The following ZNF418 variants were observed in gnomAD, a reference collection of about 807,000 sequenced individuals.
ZNF418 encodes zinc finger protein 418.
A neutral mutation model predicts 32.0 loss-of-function variants in ZNF418; 32 were observed. The ratio of observed to expected loss-of-function variants is 1.00; its 90% CI spans 0.75 to 1.34. ZNF418 has a LOEUF of 1.34. ZNF418 is among the 40% of genes most tolerant of loss of function. The pLI, the probability that ZNF418 is intolerant of heterozygous loss-of-function variation, is 0.00. For missense variants in ZNF418, 804 were observed against 812.5 expected, an observed-to-expected ratio of 0.99 and a Z score of 0.13; for synonymous variants, 276 against 270.7, an observed-to-expected ratio of 1.02 and a Z score of -0.19.
chr19:57,930,591 C>T, intron 2 of ZNF418, 37 bp from the exon 3 acceptor site: 1 of 1,612,932 alleles, frequency 6.2e-7, no homozygotes, highest in Non-Finnish European at 8.5e-7. Context: ...ACAAACAGCT[C>T]CTATGCTGAG....
chr19:57,931,795 C>CA (rs1434978599), intron 2 of ZNF418, among the ~76,000 whole-genome samples: 21 of 152,218 alleles, frequency 1.4e-4, no homozygotes, highest in African/African-American at 5.1e-4. Flanking sequence ...AGGCTGATCT[C>CA]AAACTCCTGG....
intron 3 of ZNF418, among the ~76,000 whole-genome samples, chr19:57,928,899 C>T (rs962417329): frequency 2.0e-5 from 3 of 152,112 alleles, no homozygotes; most frequent in South Asian, 2.1e-4. Flanking sequence ...GAGGCTGAGG[C>T]AGGAGAATGG....
chr19:57,927,532 C>A lies in ZNF418; in HGVS notation c.649G>T (p.Val217Leu), dbSNP rs369233021. 1.2e-6 allele frequency: 2 copies of A among 1,614,198 alleles called. No homozygotes were observed. The highest frequency in any genetic ancestry group is 1.1e-5 in the South Asian group (1 of 91,086). Residue 217 changes from valine to leucine, a missense_variant, in exon 4 of 6, where the codon GTA becomes TTA. Val to Leu is a conservative substitution (Grantham distance 32). This residue lies in a region of ZNF418 where 307 missense variants were observed against 304.9 expected (regional missense o/e 1.01). Coordinates refer to ENST00000396147, the MANE Select transcript of ZNF418 (RefSeq NM_133460.3). ...ECMKHSSTKH[V>L]FVQQQRLPSR... The stretch of plus-strand genomic sequence containing the variant: ...GGAAGTCTCTGCTGTTGAACAAATA[C>A]GTGTTTGGTGCTAGAATGTTTCATG...
rs372083482 is a variant in ZNF418, at chr19:57,925,790, C to A, written c.*360G>T. On this transcript the variant is annotated 3_prime_UTR_variant, in exon 4 of 6. Coordinates refer to ENST00000396147, the MANE Select transcript of ZNF418 (RefSeq NM_133460.3). The stretch of plus-strand genomic sequence containing the variant: ...ACCCGGCAGGGTGAAAAATGCCACA[C>A]AGCTCCAACATAATTGAGTTTATGC... The A allele has an allele frequency of 4.0e-5, 8 of 201,900 alleles. No homozygotes were observed. The highest frequency in any genetic ancestry group is 1.9e-4 in the African/African-American group (8 of 43,058). 12.5% of individuals were successfully genotyped at this position (201,900 alleles called of 1,614,324 possible).
chr19:57,932,588 G>A (rs2072529656), intron 2 of ZNF418: 22 of 1,522,140 alleles, frequency 1.4e-5, no homozygotes, highest in Non-Finnish European at 1.8e-5. Flanking sequence ...CTACAATGAC[G>A]ACTTTCCTCT....
chr19:57,926,480 C>A lies in ZNF418; in HGVS notation c.1701G>T (p.Glu567Asp). 6.2e-7 allele frequency: 1 copy of A among 1,613,632 alleles called. No individual in the cohort carries two copies. The highest frequency in any genetic ancestry group is 8.5e-7 in the Non-Finnish European group (1 of 1,179,918). Reference sequence around the variant, plus strand: ...AGAAGAATTTCCCACATTCTCTGCACTCATAAGGTCTTTCTGCAGTGTGAG... The same window carrying A: ...AGAAGAATTTCCCACATTCTCTGCAATCATAAGGTCTTTCTGCAGTGTGAG... ...QKTHTAERPY[E>D]CRECGKFFSS... Residue 567 changes from glutamate to aspartate, a missense_variant, in exon 4 of 6, where the codon GAG becomes GAT. By Grantham distance (45) the Glu-to-Asp change is conservative. Coordinates refer to ENST00000396147, the MANE Select transcript of ZNF418 (RefSeq NM_133460.3).
rs937627403 is a variant in ZNF418, at chr19:57,925,908, G to A, written c.*242C>T. On this transcript the variant is annotated 3_prime_UTR_variant, in exon 4 of 6. Transcript: ENST00000396147. ...TTACAAGAAATAATATTTCCTGTAC[G>A]TGTACAGTGTTTTCCTTATGAGAAC... The A allele has an allele frequency of 3.5e-4, 178 of 512,716 alleles. No homozygotes were observed. The highest frequency in any genetic ancestry group is 2.1e-3 in the Middle Eastern group (4 of 1,944). 31.8% of individuals were successfully genotyped at this position (512,716 alleles called of 1,614,324 possible).
At chr19:57,924,899 G>A (rs1396110105) in intron 4 of ZNF418, among the ~76,000 whole-genome samples, 1 of 152,064 alleles carries the variant, frequency 6.6e-6, no homozygotes, top group Non-Finnish European at 1.5e-5. Flanking sequence ...TGGAGGCCTT[G>A]GGCAGCCATG....
In ZNF418 at chr19:57,930,503, T is replaced by C. The variant is rs752262801; in HGVS notation, c.58A>G (p.Ser20Gly). ...VAVNFSQEEW[S>G]LLSEVQRCLY... ...CATCTCTGAACCTCACTAAGGAGACTCCACTCCTCCTGGGAAAAGTTCACA... is the reference window on the plus strand; with the variant it reads ...CATCTCTGAACCTCACTAAGGAGACCCCACTCCTCCTGGGAAAAGTTCACA... The change falls in exon 3 of 6, where the codon AGT (serine) becomes GGT (glycine). Residue 20 changes from serine (S) to glycine (G), a missense_variant. This residue lies in a region of ZNF418 where 307 missense variants were observed against 304.9 expected (regional missense o/e 1.01). Transcript: ENST00000396147. 2.2e-5 allele frequency: 35 copies of C among 1,613,958 alleles called. No individual in the cohort carries two copies. Among genetic ancestry groups the C allele is most frequent in the Middle Eastern group, 1.6e-4 (1 of 6,084 alleles).
intron 4 of ZNF418, among the ~76,000 whole-genome samples, chr19:57,925,314 A>G (rs1422631444): frequency 6.6e-6 from 1 of 152,126 alleles, no homozygotes; most frequent in Admixed American, 6.6e-5. Context: ...CAAAAAAATT[A>G]GCTGGGCATG....
At position 57,926,547 on chromosome 19, in the gene ZNF418, T is replaced by C; in HGVS notation, c.1634A>G (p.Lys545Arg). 1 of 1,614,084 alleles carries C rather than the reference T, an allele frequency of 6.2e-7. No homozygotes were observed. The highest frequency in any genetic ancestry group is 8.5e-7 in the Non-Finnish European group (1 of 1,180,012). ...GAGGGAAGAGCTCTGATGAAATGACTTTCCACATTCTCCACATTCATAAGG... is the reference window on the plus strand; with the variant it reads ...GAGGGAAGAGCTCTGATGAAATGACCTTCCACATTCTCCACATTCATAAGG... ...ERPYECGECGKSFHQSSSLLR... is the reference protein window; with the variant it reads ...ERPYECGECGRSFHQSSSLLR... The change falls in exon 4 of 6, where the codon AAG becomes AGG. Residue 545 changes from lysine (K) to arginine (R), a missense_variant. This residue lies in a region of ZNF418 where 475 missense variants were observed against 458.6 expected (regional missense o/e 1.04). Coordinates refer to ENST00000396147, the MANE Select transcript of ZNF418 (RefSeq NM_133460.3).
rs1295091360 is a variant in ZNF418, at chr19:57,925,950, ACAGAAGG to A, written c.*193_*199del. On this transcript the variant is annotated 3_prime_UTR_variant, in exon 4 of 6. Coordinates refer to ENST00000396147, the MANE Select transcript of ZNF418 (RefSeq NM_133460.3). ...TATGAGAACAATCTGTTATCCAATG[ACAGAAGG>A]CAGAAGGCTTTCTCACATTCATCGC... 1.7e-6 allele frequency: 1 copy of A among 574,230 alleles called. No homozygotes were observed. The highest frequency in any genetic ancestry group is 3.1e-5 in the Admixed American group (1 of 32,252). The allele number at this position is 574,230 out of a possible 1,614,324, so 35.6% of individuals were successfully genotyped here. A position where few individuals can be genotyped will look rare whatever the true frequency, so the allele number is the denominator to read the frequency against.
intron 3 of ZNF418, among the ~76,000 whole-genome samples, chr19:57,929,353 C>A (rs1330340061): frequency 6.6e-6 from 1 of 152,264 alleles, no homozygotes; most frequent in Non-Finnish European, 1.5e-5. Context: ...CTGAGAACAT[C>A]AGGCTGAGCC....
In ZNF418 at chr19:57,926,671, G is replaced by C. The variant is rs1034144029; in HGVS notation, c.1510C>G (p.His504Asp). ...CACTCAAACGGTTTTTCTCCAGTGT[G>C]AACTCTCTGATGAACACGAAACCCA... ...SSGFRVHQRV[H>D]TGEKPFECSE... The change falls in exon 4 of 6, where the codon CAC becomes GAC. Residue 504 changes from histidine to aspartate, a missense_variant. His to Asp is a moderately conservative substitution (Grantham distance 81). This residue lies in a region of ZNF418 where 475 missense variants were observed against 458.6 expected (regional missense o/e 1.04). Coordinates refer to ENST00000396147, the MANE Select transcript of ZNF418 (RefSeq NM_133460.3). 1 of 1,613,996 alleles carries C rather than the reference G, an allele frequency of 6.2e-7. No homozygotes were observed. Among genetic ancestry groups the C allele is most frequent in the African/African-American group, 1.3e-5 (1 of 74,882 alleles).
intron 5 of ZNF418, among the ~76,000 whole-genome samples, 195 bp downstream of exon 5, chr19:57,922,997 C>CA (rs34078539): frequency 0.1 from 8,796 of 84,266 alleles, 410 homozygotes; most frequent in Non-Finnish European, 0.11. Flanking sequence ...GACACTGTCT[C>CA]AAAAAAAAAA....
rs879027220 is a variant in ZNF418 at position 57,932,645 on chromosome 19, G to A, written c.6+1172C>T. ...TCCCACTCCCTTGTTATGGAGAATG[G>A]TCTAAGAAAAGTGGAAAACAAAAGA... On this transcript the variant is annotated intron_variant, in intron 2 of 5. Coordinates refer to ENST00000396147, the MANE Select transcript of ZNF418 (RefSeq NM_133460.3). 68 of 1,427,672 alleles carry A rather than the reference G, an allele frequency of 4.8e-5. 2 individuals carry two copies. In the South Asian group the frequency reaches 1.0e-3, roughly 21 times the overall value. 88.4% of individuals were successfully genotyped at this position (1,427,672 alleles called of 1,614,324 possible).
At chr19:57,933,963 A>C in intron 1 of ZNF418, 61 bp from the exon 2 acceptor site, 1 of 1,593,414 alleles carries the variant, frequency 6.3e-7, no homozygotes, top group Non-Finnish European at 8.5e-7. Flanking sequence ...CTCCCCACCG[A>C]ATTTTTACCT....
intron 2 of ZNF418, among the ~76,000 whole-genome samples, chr19:57,933,216 G>A (rs2072551007): frequency 6.6e-6 from 1 of 152,212 alleles, no homozygotes; most frequent in South Asian, 2.1e-4. Flanking sequence ...TTCCATCACT[G>A]CAGATGCTAA....
In ZNF418 at chr19:57,926,657, T is replaced by A; in HGVS notation, c.1524A>T (p.Lys508Asn). 1 of 1,613,520 alleles carries A rather than the reference T, an allele frequency of 6.2e-7. No individual in the cohort carries two copies. Among genetic ancestry groups the A allele is most frequent in the Non-Finnish European group, 8.5e-7 (1 of 1,179,890 alleles). Residue 508 changes from lysine (K) to asparagine (N), a missense_variant, in exon 4 of 6, where the codon AAA (lysine) becomes AAT (asparagine). Lys to Asn is a moderately conservative substitution (Grantham distance 94). Transcript: ENST00000396147. ...RVHQRVHTGEKPFECSECGKS... is the reference protein window; with the variant it reads ...RVHQRVHTGENPFECSECGKS... ...TCCCACATTCACTACACTCAAACGG[T>A]TTTTCTCCAGTGTGAACTCTCTGAT...
Sources: allele counts gnomAD v4.1 joint callset (sites outside exome capture counted in the v4.1 genomes callset), GRCh38; gene constraint gnomAD v4.1.1; regional missense constraint gnomAD v4.1.1; transcripts MANE v1.5; gene names NCBI Gene and HGNC (gene_info 2026-07-23, HGNC 2026-07-21).